Variants in DGAT2L6 observed in about 807,000 individuals in gnomAD.
DGAT2L6 encodes diacylglycerol O-acyltransferase 2-like protein 6.
A neutral mutation model predicts 25.5 loss-of-function variants in DGAT2L6; 22 were observed. The observed-to-expected ratio is 0.86, with a 90% CI of 0.62 to 1.23. The LOEUF (loss-of-function observed/expected upper bound fraction) is 1.23, where lower values mean the gene tolerates loss of function less well. DGAT2L6 is among the 50% of genes most tolerant of loss of function. The probability of loss-of-function intolerance (pLI) is 0.00; values close to 1 mark genes in which losing one functional copy is unlikely to be tolerated. For missense variants in DGAT2L6, 287 were observed against 253.2 expected (o/e 1.13, Z -0.91); for synonymous variants, 100 against 94.7 (o/e 1.06, Z -0.32).
At chrX:70,196,486 C>CAA (rs751597708) in intron 1 of DGAT2L6, among the ~76,000 whole-genome samples, 3,009 of 26,004 alleles carry the variant, frequency 0.12, 125 homozygotes, top group South Asian at 0.25. Flanking sequence ...GATCCTGTCT[C>CAA]AAAAAAAAAA....
Position 70,204,935 on chromosome X carries a change from C to G in DGAT2L6, c.860-17C>G. 8.6e-7 allele frequency: 1 copy of G among 1,167,169 alleles called. No homozygotes were observed. The highest frequency in any genetic ancestry group is 1.1e-6 in the Non-Finnish European group (1 of 876,599). ...GAGGGGGGAACTCTGATGTTTGTCTCTTTTCTTTTTTCATAGTTGGGGAAC... is the reference window on the plus strand; with the variant it reads ...GAGGGGGGAACTCTGATGTTTGTCTGTTTTCTTTTTTCATAGTTGGGGAAC... On this transcript the variant is annotated splice_polypyrimidine_tract_variant and intron_variant, in intron 6 of 6. Transcript: ENST00000333026.
rs369009805 is a variant in DGAT2L6, at chrX:70,204,978, A to T, written c.886A>T (p.Ile296Phe). The T allele has an allele frequency of 4.9e-5, 58 of 1,190,488 alleles. No homozygotes were observed. Among genetic ancestry groups the T allele is most frequent in the Non-Finnish European group, 6.5e-5 (58 of 888,451 alleles). Residue 296 changes from isoleucine (I) to phenylalanine (F), a missense_variant, in exon 7 of 7, where the codon ATT (isoleucine) becomes TTT (phenylalanine). By Grantham distance (21) the Ile-to-Phe change is conservative. Coordinates refer to ENST00000333026, the MANE Select transcript of DGAT2L6 (RefSeq NM_198512.3). The part of the protein sequence containing the change: ...VVGEPLPIPR[I>F]KRPNQKTVDK... Reference sequence around the variant, plus strand: ...TGGGGAACCCCTTCCAATTCCCAGGATTAAGAGGCCAAACCAGAAGACAGT... The same window carrying T: ...TGGGGAACCCCTTCCAATTCCCAGGTTTAAGAGGCCAAACCAGAAGACAGT...
At chrX:70,203,538 T>C (rs1426866849) in intron 5 of DGAT2L6, among the ~76,000 whole-genome samples, 1 of 111,734 alleles carries the variant, frequency 8.9e-6, no homozygotes, top group African/African-American at 3.3e-5. Context: ...ACCTATGGCA[T>C]GTCAAGTGCT....
At chrX:70,190,682 C>T (rs2085373005) in intron 1 of DGAT2L6, among the ~76,000 whole-genome samples, 2 of 112,356 alleles carry the variant, frequency 1.8e-5, no homozygotes, top group Non-Finnish European at 3.8e-5. Context: ...GCTCTGGTCA[C>T]ACTCTGCTGT....
At chrX:70,180,626 C>G (rs2085340649) in intron 1 of DGAT2L6, among the ~76,000 whole-genome samples, 1 of 111,205 alleles carries the variant, frequency 9.0e-6, no homozygotes, top group African/African-American at 3.3e-5. Flanking sequence ...ATTCACAATG[C>G]ATGGCCACCA....
intron 1 of DGAT2L6, among the ~76,000 whole-genome samples, chrX:70,181,377 C>A (rs949250282): frequency 3.6e-5 from 4 of 112,287 alleles, no homozygotes; most frequent in African/African-American, 1.3e-4. Context: ...CTTTACCATT[C>A]CATTTGTCTT....
At chrX:70,204,187 G>A (rs1308495323) in intron 5 of DGAT2L6, 118 bp from the exon 6 acceptor site, 5 of 552,150 alleles carry the variant, frequency 9.1e-6, no homozygotes, top group African/African-American at 2.4e-5. Flanking sequence ...AGATGGAGAT[G>A]TTTGGGTGCT....
chrX:70,199,934 T>C (rs944683788), intron 3 of DGAT2L6, 52 bp downstream of exon 3: 1 of 1,105,754 alleles, frequency 9.0e-7, no homozygotes, highest in Non-Finnish European at 1.2e-6. Context: ...AGACCCTTGC[T>C]CCCTACTCAG....
At chrX:70,195,453 TAAAG>T (rs886876277) in intron 1 of DGAT2L6, among the ~76,000 whole-genome samples, 3 of 59,443 alleles carry the variant, frequency 5.0e-5, no homozygotes, top group African/African-American at 6.7e-5. Flanking sequence ...GATGAATGAA[TAAAG>T]AAAGTGTCAC....
intron 1 of DGAT2L6, among the ~76,000 whole-genome samples, chrX:70,182,270 C>G (rs1489709711): frequency 6.4e-5 from 7 of 110,003 alleles, no homozygotes. Flanking sequence ...TATTCATGTC[C>G]TTAAAATTAG....
At chrX:70,200,056 G>A (rs902439669) in intron 3 of DGAT2L6, among the ~76,000 whole-genome samples, 174 bp downstream of exon 3, 3 of 111,290 alleles carry the variant, frequency 2.7e-5, no homozygotes, top group African/African-American at 9.8e-5. Context: ...GTGGATGGCA[G>A]CCTTTCCTTC....
intron 1 of DGAT2L6, among the ~76,000 whole-genome samples, chrX:70,184,114 G>T (rs143446406): frequency 3.2e-4 from 36 of 111,724 alleles, no homozygotes; most frequent in African/African-American, 1.1e-3. Flanking sequence ...CCTTATGCAA[G>T]TGAGTCTCTG....
In DGAT2L6 at chrX:70,177,577, A is replaced by G. The variant is rs749035402; in HGVS notation, c.-6A>G. On this transcript the variant is annotated 5_prime_UTR_variant, in exon 1 of 7. Transcript: ENST00000333026. ...CTTCTTGCCACAACAGAACAGCACC[A>G]TAACCATGGCTTTCTTCTCCCGACT... is the stretch of plus-strand genomic sequence containing the variant. The G allele has an allele frequency of 5.0e-6, 6 of 1,208,441 alleles. No homozygotes were observed. Among genetic ancestry groups the G allele is most frequent in the Non-Finnish European group, 6.7e-6 (6 of 893,828 alleles).
At chrX:70,196,475 A>G (rs1383770887) in intron 1 of DGAT2L6, among the ~76,000 whole-genome samples, 1 of 98,249 alleles carries the variant, frequency 1.0e-5, no homozygotes, top group Non-Finnish European at 2.1e-5. Flanking sequence ...TGACAGAACC[A>G]GATCCTGTCT....
At chrX:70,181,082 G>C (rs1466572189) in intron 1 of DGAT2L6, among the ~76,000 whole-genome samples, 1 of 112,188 alleles carries the variant, frequency 8.9e-6, no homozygotes, top group Non-Finnish European at 1.9e-5. Flanking sequence ...GGAATTCCTG[G>C]ATCACACAGT....
At chrX:70,185,017 C>T (rs1336959402) in intron 1 of DGAT2L6, among the ~76,000 whole-genome samples, 1 of 111,410 alleles carries the variant, frequency 9.0e-6, no homozygotes, top group East Asian at 2.8e-4. Flanking sequence ...AGATTATCTT[C>T]CTGAAACAGA....
chrX:70,196,463 G>T (rs1314205663), intron 1 of DGAT2L6, among the ~76,000 whole-genome samples: 1 of 92,199 alleles, frequency 1.1e-5, no homozygotes, highest in Non-Finnish European at 2.2e-5. Context: ...CGCCAGTCTG[G>T]GTGACAGAAC....
rs755215698 is a variant in DGAT2L6, at chrX:70,199,318, T to A, written c.133T>A (p.Phe45Ile). 335 of 1,193,969 alleles carry A rather than the reference T, an allele frequency of 2.8e-4. 1 individual carries two copies. In the South Asian group the frequency reaches 5.7e-3, roughly 20 times the overall value. The change falls in exon 2 of 7, where the codon TTC (phenylalanine) becomes ATC (isoleucine). Residue 45 changes from phenylalanine to isoleucine, a missense_variant. Physicochemically the swap from Phe to Ile is conservative, Grantham distance 21. Transcript: ENST00000333026. ...LIPYFLLFSKFWPLAVLSLAW... is the reference protein window; with the variant it reads ...LIPYFLLFSKIWPLAVLSLAW... ...ACCCTACTTTCTGTTATTCAGTAAG[T>A]TCTGGCCCTTGGCTGTGCTCTCCTT...
intron 3 of DGAT2L6, 46 bp from the exon 4 acceptor site, chrX:70,200,209 C>T (rs2085405152): frequency 1.7e-6 from 2 of 1,168,864 alleles, no homozygotes; most frequent in Admixed American, 2.2e-5. Flanking sequence ...CACGTGGTTT[C>T]TTCCTTCTTT....
Sources: allele counts gnomAD v4.1 joint callset (sites outside exome capture counted in the v4.1 genomes callset), GRCh38; gene constraint gnomAD v4.1.1; transcripts MANE v1.5; gene names NCBI Gene and HGNC (gene_info 2026-07-23, HGNC 2026-07-21).